The following MDGA2 variants were observed in gnomAD, a reference collection of about 807,000 sequenced individuals.
MDGA2 encodes the protein MAM domain containing glycosylphosphatidylinositol anchor 2, also known as MAM domain-containing glycosylphosphatidylinositol anchor protein 2.
In MDGA2, 40 loss-of-function variants were observed where a neutral mutation model predicts 117.8. That is an observed-to-expected ratio of 0.34 (90% CI 0.26 to 0.44). The LOEUF is 0.44. Among genes scored for constraint, MDGA2 ranks in the 20% least tolerant of loss-of-function variants. The probability of loss-of-function intolerance (pLI) is 1.00; values close to 1 mark genes in which losing one functional copy is unlikely to be tolerated. For missense variants in MDGA2, 1,123 were observed against 1,250.6 expected (o/e 0.90, Z 1.54); for synonymous variants, 452 against 439.0 (o/e 1.03, Z -0.37).
At chr14:47,104,778 G>A (rs1880552110) in intron 5 of MDGA2, among the ~76,000 whole-genome samples, 1 of 152,024 alleles carries the variant, frequency 6.6e-6, no homozygotes, top group Admixed American at 6.5e-5. Flanking sequence ...ACGACCTCAG[G>A]TCCTCAGACC....
At chr14:47,162,549 T>C (rs940396739) in intron 3 of MDGA2, among the ~76,000 whole-genome samples, 2 of 151,652 alleles carry the variant, frequency 1.3e-5, no homozygotes, top group African/African-American at 4.9e-5. Context: ...TCTCCTCGGA[T>C]TTCATATCTT....
chr14:47,456,244 C>G (rs1020662201), intron 1 of MDGA2, among the ~76,000 whole-genome samples: 2 of 150,284 alleles, frequency 1.3e-5, no homozygotes, highest in African/African-American at 4.9e-5. Flanking sequence ...AATTATAATG[C>G]TTATCCTAAA....
At chr14:47,270,778 T>TTG (rs61047014) in intron 2 of MDGA2, among the ~76,000 whole-genome samples, 13,828 of 151,914 alleles carry the variant, frequency 0.091, 774 homozygotes, top group Non-Finnish European at 0.11. Flanking sequence ...CGTGCACTGT[T>TTG]TGTGTGTGTG....
intron 1 of MDGA2, among the ~76,000 whole-genome samples, chr14:47,432,983 T>TG (rs1892828738): frequency 6.6e-6 from 1 of 152,050 alleles, no homozygotes; most frequent in African/African-American, 2.4e-5. Flanking sequence ...TGTCAAATAC[T>TG]GGGACACAAA....
intron 10 of MDGA2, among the ~76,000 whole-genome samples, chr14:46,918,135 G>A (rs1030770696): frequency 6.6e-6 from 1 of 152,070 alleles, no homozygotes; most frequent in Non-Finnish European, 1.5e-5. Context: ...GAGGAAGAAA[G>A]TAAGAAACTA....
intron 1 of MDGA2, among the ~76,000 whole-genome samples, chr14:47,461,293 G>GTGTGTGTGTC: frequency 6.6e-6 from 1 of 151,826 alleles, no homozygotes; most frequent in Admixed American, 6.6e-5. Context: ...GTGTGTGTGT[G>GTGTGTGTGTC]TGTGTATCTA....
At chr14:47,323,314 AT>A (rs1890045100) in intron 1 of MDGA2, among the ~76,000 whole-genome samples, 1 of 151,554 alleles carries the variant, frequency 6.6e-6, no homozygotes, top group African/African-American at 2.4e-5. Context: ...GATGAAATTG[AT>A]GGTTCATTTC....
chr14:47,270,579 G>A (rs941171483), intron 2 of MDGA2, among the ~76,000 whole-genome samples: 2 of 152,178 alleles, frequency 1.3e-5, no homozygotes, highest in African/African-American at 4.8e-5. Flanking sequence ...TGGTTTATGT[G>A]TGGCTCAAAT....
At chr14:46,879,174 G>A (rs527791190) in intron 11 of MDGA2, among the ~76,000 whole-genome samples, 4 of 152,096 alleles carry the variant, frequency 2.6e-5, no homozygotes, top group African/African-American at 9.6e-5. Flanking sequence ...CCAATCCAAT[G>A]GGATTGGTGT....
At chr14:47,479,933 C>A (rs996609823) in intron 1 of MDGA2, among the ~76,000 whole-genome samples, 19 of 152,052 alleles carry the variant, frequency 1.2e-4, no homozygotes, top group African/African-American at 4.3e-4. Context: ...TTTCTACTTT[C>A]CTTGCCACTG....
intron 1 of MDGA2, among the ~76,000 whole-genome samples, chr14:47,382,557 C>T (rs1016213406): frequency 5.3e-5 from 8 of 152,200 alleles, no homozygotes; most frequent in Non-Finnish European, 8.8e-5. Context: ...TATGAACAGA[C>T]ACTTCTCGAA....
chr14:47,098,606 T>G (rs1376345888), intron 5 of MDGA2, among the ~76,000 whole-genome samples: 2 of 151,856 alleles, frequency 1.3e-5, no homozygotes, highest in Non-Finnish European at 2.9e-5. Flanking sequence ...TGAAAATAGA[T>G]ATTATACTTA....
At chr14:46,878,925 C>G (rs1373796807) in intron 11 of MDGA2, among the ~76,000 whole-genome samples, 2 of 151,980 alleles carry the variant, frequency 1.3e-5, no homozygotes, top group African/African-American at 4.8e-5. Context: ...TTTAATTCAC[C>G]AAATTCACTA....
rs539734427 is a variant in MDGA2 at position 47,097,174 on chromosome 14, A to G, written c.926-51T>C. On this transcript the variant is annotated intron_variant, in intron 5 of 16. Coordinates refer to ENST00000399232, the MANE Select transcript of MDGA2 (RefSeq NM_001113498.3). ...GCACCTATTTAGATATGCTACAACT[A>G]GAATTCAACAGCATGCATTATATTG... is the stretch of plus-strand genomic sequence containing the variant. The G allele has an allele frequency of 2.6e-5, 41 of 1,568,210 alleles. 1 individual carries two copies. The South Asian group carries it at 4.5e-4, about 17-fold the overall frequency.
intron 2 of MDGA2, among the ~76,000 whole-genome samples, chr14:47,241,513 A>T (rs188441360): frequency 1.8e-4 from 27 of 151,930 alleles, no homozygotes; most frequent in African/African-American, 4.6e-4. Context: ...AAAATTTGTT[A>T]ATTTTAGAAA....
intron 5 of MDGA2, among the ~76,000 whole-genome samples, chr14:47,117,508 CATCAACTGATGAAT>C (rs1881395326): frequency 1.3e-5 from 2 of 152,166 alleles, no homozygotes; most frequent in South Asian, 4.1e-4. Context: ...CCTAAATGTG[CATCAACTGATGAAT>C]GAATATAGAA....
At chr14:47,427,188 T>C (rs1208096764) in intron 1 of MDGA2, among the ~76,000 whole-genome samples, 1 of 152,290 alleles carries the variant, frequency 6.6e-6, no homozygotes, top group East Asian at 1.9e-4. Flanking sequence ...TACTTTTCTT[T>C]AGTGTTTTAA....
intron 16 of MDGA2, among the ~76,000 whole-genome samples, chr14:46,843,447 T>C (rs1880697880): frequency 6.6e-6 from 1 of 152,306 alleles, no homozygotes; most frequent in African/African-American, 2.4e-5. Context: ...AAAGAAATCC[T>C]ATTCTCCTTT....
intron 2 of MDGA2, among the ~76,000 whole-genome samples, chr14:47,245,856 A>G (rs1185093516): frequency 2.0e-5 from 3 of 151,864 alleles, no homozygotes; most frequent in African/African-American, 7.2e-5. Flanking sequence ...GTAATCACTT[A>G]TAGAGTGCTC....
Sources: gnomAD v4.1 joint callset for allele counts (sites outside exome capture counted in the v4.1 genomes callset) on GRCh38, gnomAD v4.1.1 for gene constraint, MANE v1.5 for transcripts, NCBI Gene and HGNC (gene_info 2026-07-23, HGNC 2026-07-21) for gene names.